The following MAML3 variants were observed in gnomAD, a reference collection of about 807,000 sequenced individuals.
The protein encoded by MAML3 is mastermind like transcriptional coactivator 3.
MAML3 carries 27 observed loss-of-function variants against 101.9 expected under a neutral mutation model. That is an observed-to-expected ratio of 0.27 (90% confidence interval 0.20 to 0.37). The LOEUF (loss-of-function observed/expected upper bound fraction) is 0.37. Ranked by LOEUF, MAML3 falls within the 10% of genes least tolerant of loss-of-function variation. MAML3 has a pLI of 1.00. For synonymous variants in MAML3, 501 were observed against 555.9 expected, an observed-to-expected ratio of 0.90 and a Z score of 1.39; for missense variants, 1,316 against 1,444.9, an observed-to-expected ratio of 0.91 and a Z score of 1.45.
chr4:140,011,952 T>C (rs1292243129), intron 1 of MAML3, among the ~76,000 whole-genome samples: 1 of 152,154 alleles, frequency 6.6e-6, no homozygotes, highest in Non-Finnish European at 1.5e-5. Flanking sequence ...TTATTAAAAG[T>C]TCCAAATTAG....
chr4:139,730,041 T>A (rs1030539130), intron 3 of MAML3, among the ~76,000 whole-genome samples: 2 of 152,196 alleles, frequency 1.3e-5, no homozygotes, highest in African/African-American at 4.8e-5. Flanking sequence ...GAATTATTAT[T>A]TTTTTCTTCA....
At chr4:140,007,725 G>C (rs536439593) in intron 1 of MAML3, among the ~76,000 whole-genome samples, 2 of 152,302 alleles carry the variant, frequency 1.3e-5, no homozygotes, top group East Asian at 3.9e-4. Flanking sequence ...CTAACAGAGA[G>C]GCAGGGAAAG....
chr4:139,857,008 G>T (rs946621961), intron 2 of MAML3, among the ~76,000 whole-genome samples: 2 of 152,122 alleles, frequency 1.3e-5, no homozygotes, highest in Non-Finnish European at 2.9e-5. Context: ...AAACATAAAA[G>T]AAGATAATTA....
intron 2 of MAML3, among the ~76,000 whole-genome samples, chr4:139,743,146 C>T (rs549015772): frequency 6.6e-6 from 1 of 152,236 alleles, no homozygotes; most frequent in Non-Finnish European, 1.5e-5. Context: ...AGCATAACCA[C>T]GATTCACATA....
intron 1 of MAML3, among the ~76,000 whole-genome samples, chr4:139,905,565 T>G (rs995471182): frequency 5.9e-5 from 9 of 151,458 alleles, no homozygotes; most frequent in Admixed American, 3.9e-4. Context: ...GTGATCTGTA[T>G]TAGTTTTCTA....
At chr4:140,051,016 C>T (rs1727259085) in intron 1 of MAML3, among the ~76,000 whole-genome samples, 1 of 152,192 alleles carries the variant, frequency 6.6e-6, no homozygotes, top group Non-Finnish European at 1.5e-5. Context: ...ATCCCTTCTA[C>T]TCTATGCATT....
intron 1 of MAML3, among the ~76,000 whole-genome samples, chr4:139,971,921 T>C (rs1416036428): frequency 6.6e-6 from 1 of 152,226 alleles, no homozygotes. Flanking sequence ...CATTCACTAG[T>C]GGACCCACTT....
At chr4:139,971,984 G>A (rs1397972897) in intron 1 of MAML3, among the ~76,000 whole-genome samples, 1 of 152,084 alleles carries the variant, frequency 6.6e-6, no homozygotes, top group Admixed American at 6.5e-5. Flanking sequence ...TTATGCTTTG[G>A]CAAAACTACA....
intron 1 of MAML3, among the ~76,000 whole-genome samples, chr4:139,938,778 T>C (rs1313722564): frequency 1.3e-5 from 2 of 152,246 alleles, no homozygotes; most frequent in South Asian, 2.1e-4. Context: ...GGATATTATA[T>C]GTATTGTAAT....
chr4:140,064,991 A>G (rs762444494), intron 1 of MAML3, among the ~76,000 whole-genome samples: 1 of 152,096 alleles, frequency 6.6e-6, no homozygotes. Flanking sequence ...TCACTCAATT[A>G]CTCTTTAAAT....
At chr4:139,839,280 C>T (rs1482478919) in intron 2 of MAML3, among the ~76,000 whole-genome samples, 4 of 152,166 alleles carry the variant, frequency 2.6e-5, no homozygotes, top group Non-Finnish European at 4.4e-5. Flanking sequence ...CCATTGCTGT[C>T]CACCATGACA....
chr4:140,113,096 G>A (rs982201687), intron 1 of MAML3, among the ~76,000 whole-genome samples: 2 of 151,976 alleles, frequency 1.3e-5, no homozygotes, highest in East Asian at 1.9e-4. Flanking sequence ...GGTTAACATC[G>A]TGAAACCCCA....
Position 139,890,353 on chromosome 4 carries a change from G to A in MAML3, c.1083C>T (p.Pro361=), listed in dbSNP as rs915611958. 1.2e-6 allele frequency: 2 copies of A among 1,604,230 alleles called. No homozygotes were observed. The highest frequency in any genetic ancestry group is 2.7e-5 in the African/African-American group (2 of 74,602). Residue 361 remains proline (P), a synonymous_variant, in exon 2 of 5, where the codon CCC becomes CCT. Transcript: ENST00000509479. This position sits in a 1 kb window ranked among gnomAD's most constrained non-coding sequence, Gnocchi z 4.1. ...SQESASVKSD[P]SHSPFAHVSM... is the part of the protein sequence containing the mutation. ...AGACATGTGCGAAGGGAGAGTGAGA[G>A]GGGTCGCTCTTCACGCTCGCACTCT...
At chr4:139,731,435 T>TTAAAAA (rs1491282159) in intron 2 of MAML3, 1 of 38,718 alleles carries the variant, frequency 2.6e-5, no homozygotes, top group African/African-American at 7.8e-5. Context: ...CTGTCTCTAC[T>TTAAAAA]AAAAAAAAAA....
chr4:139,800,469 T>C (rs1196275159), intron 2 of MAML3, among the ~76,000 whole-genome samples: 1 of 152,132 alleles, frequency 6.6e-6, no homozygotes, highest in Non-Finnish European at 1.5e-5. Flanking sequence ...TAAATGAAGA[T>C]GAAAAAGAGA....
chr4:140,081,713 C>T (rs1350442496), intron 1 of MAML3, among the ~76,000 whole-genome samples: 1 of 152,108 alleles, frequency 6.6e-6, no homozygotes, highest in African/African-American at 2.4e-5. Flanking sequence ...CTGGGGTCAT[C>T]TAATGGGGAG....
intron 1 of MAML3, among the ~76,000 whole-genome samples, chr4:139,948,191 A>G (rs1215579745): frequency 6.6e-6 from 1 of 152,090 alleles, no homozygotes; most frequent in African/African-American, 2.4e-5. Context: ...ATACAAAACA[A>G]AAGTCTATGT....
intron 3 of MAML3, among the ~76,000 whole-genome samples, chr4:139,728,014 G>A (rs1037191723): frequency 2.8e-4 from 43 of 152,122 alleles, no homozygotes; most frequent in Non-Finnish European, 4.7e-4. Context: ...CCAGGAGTTC[G>A]AGACCAGCCT....
At chr4:139,922,031 T>A (rs1160375595) in intron 1 of MAML3, among the ~76,000 whole-genome samples, 1 of 152,074 alleles carries the variant, frequency 6.6e-6, no homozygotes, top group African/African-American at 2.4e-5. Flanking sequence ...CAGCATCACG[T>A]GGAGGACACA....
Sources: gnomAD v4.1 joint callset for allele counts (sites outside exome capture counted in the v4.1 genomes callset) on GRCh38, gnomAD v4.1.1 for gene constraint, Gnocchi (gnomAD v3.1) non-coding constraint, MANE v1.5 for transcripts, NCBI Gene and HGNC (gene_info 2026-07-23, HGNC 2026-07-21) for gene names.